GABRB1: variants seen among roughly 807,000 people sequenced by gnomAD.
GABRB1 encodes gamma-aminobutyric acid receptor subunit beta-1.
GABRB1 carries 17 observed loss-of-function variants against 51.6 expected under a neutral mutation model. The ratio of observed to expected loss-of-function variants is 0.33; its 90% confidence interval spans 0.23 to 0.49. The LOEUF (loss-of-function observed/expected upper bound fraction) is 0.49. GABRB1 is among the 20% of genes least tolerant of loss of function. The pLI is 0.99. For missense variants in GABRB1, 410 were observed against 600.6 expected, an observed-to-expected ratio of 0.68 and a Z score of 3.32; for synonymous variants, 247 against 218.9, an observed-to-expected ratio of 1.13 and a Z score of -1.14.
At position 47,198,802 on chromosome 4, in the gene GABRB1, C is replaced by T. The variant is rs192950897; in HGVS notation, c.461+37333C>T. Among the ~76,000 whole-genome samples, 4 of 152,210 alleles carry T rather than the reference C, an allele frequency of 2.6e-5. No homozygotes were observed. In the East Asian group the frequency reaches 5.8e-4, roughly 22 times the overall value. ...AAAAGAAAGAGGCTTGATTGACTCA[C>T]GGTTCAGCATGGCTGGGGAGGCCTC... On this transcript the variant is annotated intron_variant, in intron 4 of 8. Coordinates refer to ENST00000295454, the MANE Select transcript of GABRB1 (RefSeq NM_000812.4).
chr4:47,139,839 G>A (rs560911246), intron 3 of GABRB1, among the ~76,000 whole-genome samples: 11 of 152,048 alleles, frequency 7.2e-5, no homozygotes, highest in East Asian at 5.8e-4. Flanking sequence ...AACAAGCTCC[G>A]ACGTTACGTT....
intron 3 of GABRB1, among the ~76,000 whole-genome samples, chr4:47,068,358 G>C (rs1383665353): frequency 6.6e-6 from 1 of 152,130 alleles, no homozygotes; most frequent in Non-Finnish European, 1.5e-5. Context: ...AACTTTTCTT[G>C]TGCATTCACA....
At chr4:47,022,965 A>C (rs1313190017) in intron 1 of GABRB1, among the ~76,000 whole-genome samples, 1 of 152,130 alleles carries the variant, frequency 6.6e-6, no homozygotes, top group East Asian at 1.9e-4. Context: ...AATGTGGTAC[A>C]TATACGCAAC....
At chr4:47,365,277 C>T in intron 5 of GABRB1, among the ~76,000 whole-genome samples, 1 of 152,218 alleles carries the variant, frequency 6.6e-6, no homozygotes, top group East Asian at 1.9e-4. Context: ...ACAGTGAACC[C>T]TAGGCAAAAT....
chr4:47,204,136 T>C (rs1007475338), intron 4 of GABRB1, among the ~76,000 whole-genome samples: 2 of 152,130 alleles, frequency 1.3e-5, no homozygotes, highest in African/African-American at 4.8e-5. Context: ...TTTGATGAGG[T>C]GATTAAATTA....
intron 4 of GABRB1, among the ~76,000 whole-genome samples, chr4:47,231,531 T>C (rs1300270570): frequency 6.6e-6 from 1 of 152,114 alleles, no homozygotes; most frequent in African/African-American, 2.4e-5. Context: ...GAAATAAAAA[T>C]TTACTGGATC....
At chr4:47,374,457 A>G (rs192396043) in intron 5 of GABRB1, among the ~76,000 whole-genome samples, 418 of 152,344 alleles carry the variant, frequency 2.7e-3, no homozygotes, top group African/African-American at 9.5e-3. Flanking sequence ...CTACTCAGGG[A>G]TAAGGGAAAA....
At chr4:47,065,813 G>A (rs1727055055) in intron 3 of GABRB1, among the ~76,000 whole-genome samples, 1 of 152,196 alleles carries the variant, frequency 6.6e-6, no homozygotes, top group African/African-American at 2.4e-5. Context: ...GATAAACATA[G>A]GATGACAGTT....
chr4:47,009,920 A>G (rs2109438997), intron 1 of GABRB1, among the ~76,000 whole-genome samples: 1 of 152,346 alleles, frequency 6.6e-6, no homozygotes, highest in East Asian at 1.9e-4. Context: ...GTATTTTTTA[A>G]TGGATGTGTA....
chr4:47,181,950 G>A (rs909784856), intron 4 of GABRB1, among the ~76,000 whole-genome samples: 1 of 151,934 alleles, frequency 6.6e-6, no homozygotes, highest in Non-Finnish European at 1.5e-5. Context: ...CTTAGTTAAG[G>A]GATCCAACTG....
chr4:47,177,028 C>A (rs912832080), intron 4 of GABRB1, among the ~76,000 whole-genome samples: 1 of 152,092 alleles, frequency 6.6e-6, no homozygotes, highest in African/African-American at 2.4e-5. Flanking sequence ...CAGGCTCAAC[C>A]ACTATTTTAA....
Position 47,264,428 on chromosome 4 carries a change from C to T in GABRB1, c.462-55699C>T, listed in dbSNP as rs188489015. ...GGAATTAAATGTAAGCCTACATAGT[C>T]TCATACTGGAACATCCAGTATCCAT... is the stretch of plus-strand genomic sequence containing the variant. On this transcript the variant is annotated intron_variant, in intron 4 of 8. Coordinates refer to ENST00000295454, the MANE Select transcript of GABRB1 (RefSeq NM_000812.4). 4.6e-3 allele frequency among the ~76,000 whole-genome samples: 704 copies of T among 152,340 alleles called. 17 individuals carry two copies. Among genetic ancestry groups the T allele is most frequent in the Non-Finnish European group, 1.1e-3 (74 of 68,034 alleles).
Position 47,036,210 on chromosome 4 carries a change from A to G in GABRB1, c.240+3726A>G, listed in dbSNP as rs535199200. Among the ~76,000 whole-genome samples, 21 of 152,356 alleles carry G rather than the reference A, an allele frequency of 1.4e-4. 1 individual carries two copies. In the South Asian group the frequency reaches 4.4e-3, roughly 32 times the overall value. On this transcript the variant is annotated intron_variant, in intron 3 of 8. Transcript: ENST00000295454. ...ATAAATAATGCTTAATGAAAGACAA[A>G]TTTAATTTACCAAATATCCACTTAA...
intron 4 of GABRB1, among the ~76,000 whole-genome samples, chr4:47,238,973 A>G (rs941706009): frequency 1.3e-5 from 2 of 152,228 alleles, no homozygotes; most frequent in African/African-American, 4.8e-5. Context: ...TTCATGGTCA[A>G]TGACTAAATT....
At chr4:47,032,072 T>TAAAAAAAAA in intron 2 of GABRB1, 67 bp downstream of exon 2, 3 of 713,200 alleles carry the variant, frequency 4.2e-6, no homozygotes, top group Admixed American at 8.6e-5. Context: ...AAGATAAATG[T>TAAAAAAAAA]CAAAAAAAAA....
chr4:47,139,885 A>C (rs1716848345), intron 3 of GABRB1, among the ~76,000 whole-genome samples: 1 of 152,026 alleles, frequency 6.6e-6, no homozygotes, highest in African/African-American at 2.4e-5. Flanking sequence ...TTTTAATAGA[A>C]ATGTTCTACA....
At chr4:47,050,596 C>A (rs951193384) in intron 3 of GABRB1, among the ~76,000 whole-genome samples, 1 of 152,108 alleles carries the variant, frequency 6.6e-6, no homozygotes, top group African/African-American at 2.4e-5. Flanking sequence ...ACCAGCTTAT[C>A]ATTTTTGTTG....
At chr4:47,161,959 GA>G (rs575350315) in intron 4 of GABRB1, among the ~76,000 whole-genome samples, 4 of 151,882 alleles carry the variant, frequency 2.6e-5, no homozygotes, top group Non-Finnish European at 2.9e-5. Flanking sequence ...ATATACAAGT[GA>G]AAAAAATATA....
chr4:47,063,255 C>CT lies in GABRB1; in HGVS notation c.240+30773dup, dbSNP rs530818640. 3.4e-4 allele frequency among the ~76,000 whole-genome samples: 51 copies of CT among 152,152 alleles called. 1 individual carries two copies. The South Asian group carries it at 9.5e-3, about 28-fold the overall frequency. On this transcript the variant is annotated intron_variant, in intron 3 of 8. Coordinates refer to ENST00000295454, the MANE Select transcript of GABRB1 (RefSeq NM_000812.4). Reference sequence around the variant, plus strand: ...CCTAACAAGGGCCATGAACTTGAAGCTTATGCCATTTGAGGAACCTTTTTT... The same window carrying CT: ...CCTAACAAGGGCCATGAACTTGAAGCTTTATGCCATTTGAGGAACCTTTTTT...
Sources: gnomAD v4.1 joint callset for allele counts (sites outside exome capture counted in the v4.1 genomes callset) on GRCh38, gnomAD v4.1.1 for gene constraint, MANE v1.5 for transcripts, NCBI Gene and HGNC (gene_info 2026-07-23, HGNC 2026-07-21) for gene names.